Variants in VRK2 observed in about 807,000 individuals in gnomAD.
VRK2 encodes serine/threonine-protein kinase VRK2.
VRK2 carries 60 observed loss-of-function variants against 57.6 expected under a neutral mutation model. That is an observed-to-expected ratio of 1.04 (90% CI 0.85 to 1.29). The LOEUF is 1.29. VRK2 is among the 50% of genes most tolerant of loss of function. The pLI is 0.00. For missense variants in VRK2, 705 were observed against 588.1 expected (o/e 1.20, Z -2.06); for synonymous variants, 231 against 199.2 (o/e 1.16, Z -1.35).
At chr2:58,110,981 C>T (rs1558648335) in intron 7 of VRK2, among the ~76,000 whole-genome samples, 1 of 152,140 alleles carries the variant, frequency 6.6e-6, no homozygotes, top group East Asian at 1.9e-4. Context: ...GGTCCTGCCC[C>T]TAGTGGATGT....
intron 2 of VRK2, among the ~76,000 whole-genome samples, chr2:58,071,594 C>G (rs572012912): frequency 6.6e-6 from 1 of 152,016 alleles, no homozygotes; most frequent in East Asian, 1.9e-4. Context: ...AGATTGACTG[C>G]CTATTTATAT....
chr2:58,004,322 T>C (rs1673179730), intron 1 of VRK2, among the ~76,000 whole-genome samples: 1 of 152,196 alleles, frequency 6.6e-6, no homozygotes, highest in Non-Finnish European at 1.5e-5. Context: ...AGATGTGATA[T>C]GATTTGTATG....
intron 3 of VRK2, chr2:58,040,946 T>C (rs1012568663): frequency 7.6e-5 from 59 of 779,062 alleles, no homozygotes; most frequent in Non-Finnish European, 8.9e-5. Context: ...TATTTCTTAC[T>C]TCTCCTCTGA....
At chr2:58,119,590 A>G (rs933660458) in intron 7 of VRK2, among the ~76,000 whole-genome samples, 2 of 151,586 alleles carry the variant, frequency 1.3e-5, no homozygotes, top group East Asian at 1.9e-4. Flanking sequence ...CTCGGGACAG[A>G]TTAGTGACTT....
rs935620945 is a variant in VRK2 at position 57,991,376 on chromosome 2, A to T, written c.-438-34289A>T. ...CCATGTAAATTATATTTTAGAAAAAAAAAAAGCGAAAAAGTGGTAACAGGT... is the reference window on the plus strand; with the variant it reads ...CCATGTAAATTATATTTTAGAAAAATAAAAAGCGAAAAAGTGGTAACAGGT... On this transcript the variant is annotated intron_variant, in intron 1 of 15. Transcript: ENST00000417641. Among the ~76,000 whole-genome samples, 148 of 152,264 alleles carry T rather than the reference A, an allele frequency of 9.7e-4. 1 individual carries two copies. Among genetic ancestry groups the T allele is most frequent in the African/African-American group, 3.5e-3 (144 of 41,570 alleles).
intron 1 of VRK2, among the ~76,000 whole-genome samples, chr2:57,980,906 C>T (rs1672403547): frequency 6.6e-6 from 1 of 151,976 alleles, no homozygotes; most frequent in Non-Finnish European, 1.5e-5. Flanking sequence ...CATCTCTTCA[C>T]TTTGAGCCTA....
chr2:58,107,909 C>G (rs1004957396), intron 7 of VRK2, among the ~76,000 whole-genome samples: 1 of 152,018 alleles, frequency 6.6e-6, no homozygotes, highest in Non-Finnish European at 1.5e-5. Context: ...TCCATTTGAG[C>G]CAGTCTGGCT....
At chr2:58,122,298 C>G (rs553247872) in intron 7 of VRK2, among the ~76,000 whole-genome samples, 1 of 152,146 alleles carries the variant, frequency 6.6e-6, no homozygotes, top group Non-Finnish European at 1.5e-5. Context: ...CCCCACTCCC[C>G]TGCACAGTCA....
intron 8 of VRK2, among the ~76,000 whole-genome samples, chr2:58,123,901 A>G (rs1010429831): frequency 6.6e-6 from 1 of 151,902 alleles, no homozygotes; most frequent in Non-Finnish European, 1.5e-5. Flanking sequence ...CTGTTTTTCC[A>G]TTGTACCTTT....
intron 2 of VRK2, among the ~76,000 whole-genome samples, chr2:58,028,906 AT>A (rs61020940): frequency 0.088 from 2,649 of 30,124 alleles, 42 homozygotes; most frequent in Middle Eastern, 0.18. Context: ...ATAAATAAAT[AT>A]ATATATATAT....
intron 9 of VRK2, among the ~76,000 whole-genome samples, chr2:58,134,633 A>G (rs1365058415): frequency 6.6e-6 from 1 of 151,416 alleles, no homozygotes; most frequent in Non-Finnish European, 1.5e-5. Context: ...AAAAAAAAAA[A>G]AAAAGAATAT....
intron 7 of VRK2, among the ~76,000 whole-genome samples, chr2:58,098,778 C>T (rs1194209874): frequency 6.6e-6 from 1 of 152,010 alleles, no homozygotes; most frequent in Admixed American, 6.6e-5. Flanking sequence ...TATTAAGAAA[C>T]ATGTACTTAC....
At chr2:57,941,288 G>A (rs751389670) in intron 1 of VRK2, among the ~76,000 whole-genome samples, 1 of 152,130 alleles carries the variant, frequency 6.6e-6, no homozygotes, top group Non-Finnish European at 1.5e-5. Context: ...CATATTAAGA[G>A]TGACATATAA....
intron 11 of VRK2, among the ~76,000 whole-genome samples, chr2:58,140,870 A>G (rs1367889814): frequency 6.6e-6 from 1 of 152,038 alleles, no homozygotes; most frequent in East Asian, 1.9e-4. Context: ...CTGCATAGTA[A>G]TCATTCCTAA....
At chr2:58,047,372 G>T in intron 1 of VRK2, 1 of 972,458 alleles carries the variant, frequency 1.0e-6, no homozygotes, top group Non-Finnish European at 1.2e-6. Flanking sequence ...CTTAGCCCTG[G>T]GAAGGTACCC....
chr2:57,962,925 T>C (rs753640188), intron 1 of VRK2, among the ~76,000 whole-genome samples: 1 of 152,140 alleles, frequency 6.6e-6, no homozygotes, highest in Admixed American at 6.5e-5. Context: ...GAAAATCGAT[T>C]TGGGAGGGGA....
At chr2:57,923,209 C>G (rs559330517) in intron 1 of VRK2, among the ~76,000 whole-genome samples, 16 of 152,086 alleles carry the variant, frequency 1.1e-4, no homozygotes, top group African/African-American at 3.9e-4. Flanking sequence ...CTCCTATAAA[C>G]TGATTTCTAT....
chr2:58,098,767 A>AT (rs1041423115), intron 7 of VRK2, among the ~76,000 whole-genome samples: 1 of 152,132 alleles, frequency 6.6e-6, no homozygotes, highest in Admixed American at 6.6e-5. Flanking sequence ...ATGCATGACT[A>AT]TATTAAGAAA....
At chr2:58,060,691 A>T (rs966578012) in intron 2 of VRK2, among the ~76,000 whole-genome samples, 2 of 151,952 alleles carry the variant, frequency 1.3e-5, no homozygotes, top group African/African-American at 2.4e-5. Flanking sequence ...CCTTATTTAC[A>T]GCCTAATTTC....
Sources: gnomAD v4.1 joint callset for allele counts (sites outside exome capture counted in the v4.1 genomes callset) on GRCh38, gnomAD v4.1.1 for gene constraint, MANE v1.5 for transcripts, NCBI Gene and HGNC (gene_info 2026-07-23, HGNC 2026-07-21) for gene names.